DOCK8: variants seen among roughly 807,000 people sequenced by gnomAD.
DOCK8 encodes dedicator of cytokinesis protein 8.
In DOCK8, 141 loss-of-function variants were observed where a neutral mutation model predicts 245.6. The observed-to-expected ratio is 0.57, with a 90% CI of 0.50 to 0.66. DOCK8 has a LOEUF of 0.66. Among genes scored for constraint, DOCK8 ranks in the 30% least tolerant of loss-of-function variants. The pLI, the probability that DOCK8 is intolerant of heterozygous loss-of-function variation, is 0.00. For missense variants in DOCK8, 2,965 were observed against 2,603.4 expected, an observed-to-expected ratio of 1.14 and a Z score of -3.02; for synonymous variants, 1,168 against 970.2, an observed-to-expected ratio of 1.20 and a Z score of -3.79.
intron 20 of DOCK8, among the ~76,000 whole-genome samples, chr9:379,350 G>A (rs1013589272): frequency 6.6e-6 from 1 of 152,078 alleles, no homozygotes; most frequent in Non-Finnish European, 1.5e-5. Flanking sequence ...CAACAGTCAC[G>A]TGAGCATCTT....
Position 368,113 on chromosome 9 carries a change from A to C in DOCK8, c.1775A>C (p.Glu592Ala), listed in dbSNP as rs1214206691. ...ITIKIQFMCG[E>A]DASNAMPVIF... ...ATAAAGATCCAGTTTATGTGTGGAGAAGATGCTAGCAATGCGATGCCGGTA... is the reference window on the plus strand; with the variant it reads ...ATAAAGATCCAGTTTATGTGTGGAGCAGATGCTAGCAATGCGATGCCGGTA... Residue 592 changes from glutamate (E) to alanine (A), a missense_variant, in exon 15 of 48, where the codon GAA (glutamate) becomes GCA (alanine). Around this residue, in one of 3 missense-constraint regions of DOCK8, gnomAD observed 2,825 missense variants for 2,453.5 expected, o/e 1.15. Coordinates refer to ENST00000432829, the MANE Select transcript of DOCK8 (RefSeq NM_203447.4). 1 of 1,614,146 alleles carries C rather than the reference A, an allele frequency of 6.2e-7. No individual in the cohort carries two copies.
intron 14 of DOCK8, among the ~76,000 whole-genome samples, chr9:354,843 A>C (rs552431426): frequency 1.3e-5 from 2 of 152,358 alleles, no homozygotes; most frequent in South Asian, 4.1e-4. Context: ...AAAGCAAGAC[A>C]GAGGCCAGGG....
In DOCK8 at chr9:325,677, G is replaced by A. The variant is rs574738858; in HGVS notation, c.834G>A (p.Glu278=). The A allele has an allele frequency of 3.1e-6, 5 of 1,613,784 alleles. No homozygotes were observed. The highest frequency in any genetic ancestry group is 4.2e-6 in the Non-Finnish European group (5 of 1,179,848). ...ILVKLLTLKF[E]IEIEPLFASI... is the part of the protein sequence containing the mutation. ...TCCTCTCTTTCTATGGTAGGTTCGA[G>A]ATTGAAATTGAGCCCCTGTTTGCCA... The change falls in exon 8 of 48, where the codon GAG becomes GAA. Residue 278 remains glutamate (E), a synonymous_variant. Transcript: ENST00000432829.
chr9:426,436 G>A (rs1564054514), intron 33 of DOCK8, among the ~76,000 whole-genome samples: 3 of 152,118 alleles, frequency 2.0e-5, no homozygotes, highest in South Asian at 2.1e-4. Flanking sequence ...TAACCCAGCC[G>A]CATCACTGCC....
intron 10 of DOCK8, 131 bp downstream of exon 10, chr9:332,609 TA>T (rs2051070308): frequency 5.8e-6 from 3 of 518,872 alleles, no homozygotes; most frequent in Non-Finnish European, 3.5e-6. Flanking sequence ...ACATTTTAAT[TA>T]AATAAAAGAG....
chr9:381,063 T>G (rs1462577139), intron 21 of DOCK8: 1 of 152,384 alleles, frequency 6.6e-6, no homozygotes, highest in Non-Finnish European at 1.5e-5. Flanking sequence ...ATTGCACCAC[T>G]GCACTCCAGC....
intron 1 of DOCK8, among the ~76,000 whole-genome samples, chr9:238,445 T>C (rs930968654): frequency 1.3e-5 from 2 of 151,736 alleles, no homozygotes; most frequent in African/African-American, 4.8e-5. Context: ...AAAAAGAAAA[T>C]AAAAAGTTAA....
chr9:399,898 T>C (rs1184453612), intron 26 of DOCK8, among the ~76,000 whole-genome samples: 1 of 151,694 alleles, frequency 6.6e-6, no homozygotes, highest in African/African-American at 2.4e-5. Flanking sequence ...TAGCCACTAG[T>C]ACCATCATTA....
chr9:383,700 CAAAA>C (rs1164310899), intron 22 of DOCK8, among the ~76,000 whole-genome samples: 4 of 69,920 alleles, frequency 5.7e-5, no homozygotes, highest in East Asian at 9.7e-4. Flanking sequence ...GACTCCGTCT[CAAAA>C]AAAAAAAAAA....
intron 4 of DOCK8, among the ~76,000 whole-genome samples, chr9:302,556 A>T (rs534666966): frequency 6.6e-6 from 1 of 152,346 alleles, no homozygotes; most frequent in African/African-American, 2.4e-5. Context: ...CAACAGAGTA[A>T]ACTGATAACC....
chr9:432,664 A>G (rs1242477793), intron 37 of DOCK8, among the ~76,000 whole-genome samples: 1 of 152,148 alleles, frequency 6.6e-6, no homozygotes, highest in Non-Finnish European at 1.5e-5. Context: ...TCAATAAACA[A>G]TCTGGTGGCC....
At chr9:257,664 C>T (rs924039650) in intron 1 of DOCK8, among the ~76,000 whole-genome samples, 5 of 152,180 alleles carry the variant, frequency 3.3e-5, no homozygotes, top group Admixed American at 2.6e-4. Flanking sequence ...GGATTACAGG[C>T]ATGTGCCACC....
chr9:307,348 T>TG (rs1563903476), intron 5 of DOCK8, among the ~76,000 whole-genome samples: 13 of 16,768 alleles, frequency 7.8e-4, no homozygotes, highest in Non-Finnish European at 8.8e-4. Flanking sequence ...GTTTTTTTTT[T>TG]TTTTTTTTTT....
chr9:336,485 T>A, intron 11 of DOCK8, 97 bp from the exon 12 acceptor site: 1 of 1,530,446 alleles, frequency 6.5e-7, no homozygotes, highest in Non-Finnish European at 9.0e-7. Flanking sequence ...TCAGTGTTCC[T>A]GATCAGTGAC....
chr9:427,839 A>G (rs757965028), intron 34 of DOCK8, among the ~76,000 whole-genome samples: 4 of 152,210 alleles, frequency 2.6e-5, no homozygotes, highest in Non-Finnish European at 5.9e-5. Flanking sequence ...CCTTATCTTT[A>G]TATAGCACAA....
chr9:212,465 G>C (rs141715125), upstream of DOCK8, among the ~76,000 whole-genome samples: 146 of 152,344 alleles, frequency 9.6e-4, no homozygotes, highest in African/African-American at 3.5e-3. Context: ...TCTCTGGACA[G>C]AGGGCTGATG....
intron 28 of DOCK8, 63 bp downstream of exon 28, chr9:407,132 T>C (rs368077535): frequency 2.5e-6 from 4 of 1,608,718 alleles, no homozygotes; most frequent in Non-Finnish European, 2.5e-6. Context: ...TTAATAAAAT[T>C]TGCAGTCTAG....
At chr9:434,054 G>C in intron 38 of DOCK8, 79 bp downstream of exon 38, 1 of 990,534 alleles carries the variant, frequency 1.0e-6, no homozygotes, top group Non-Finnish European at 1.6e-6. Flanking sequence ...CTAATGTAAT[G>C]ATCACAGCTA....
chr9:463,567 G>A lies in DOCK8; in HGVS notation c.6119G>A (p.Arg2040Lys). 1 of 1,614,188 alleles carries A rather than the reference G, an allele frequency of 6.2e-7. No individual in the cohort carries two copies. The highest frequency in any genetic ancestry group is 1.1e-5 in the South Asian group (1 of 91,088). The change falls in exon 47 of 48, where the codon AGG becomes AAG. Residue 2040 changes from arginine (R) to lysine (K), a missense_variant. By Grantham distance (26) the Arg-to-Lys change is conservative. Coordinates refer to ENST00000432829, the MANE Select transcript of DOCK8 (RefSeq NM_203447.4). The stretch of plus-strand genomic sequence containing the variant: ...AAGCGTCTCATCACGGCAGACCAGA[G>A]GGAATATCAGCAGGAACTCAAAAAG... Reference protein sequence around the residue: ...KNKRLITADQREYQQELKKNY... With the variant: ...KNKRLITADQKEYQQELKKNY...
Sources: gnomAD v4.1 joint callset for allele counts (sites outside exome capture counted in the v4.1 genomes callset) on GRCh38, gnomAD v4.1.1 for gene constraint, gnomAD v4.1.1 regional missense constraint, MANE v1.5 for transcripts, NCBI Gene and HGNC (gene_info 2026-07-23, HGNC 2026-07-21) for gene names.